MTA3: variants seen among roughly 807,000 people sequenced by gnomAD.
The protein encoded by MTA3 is metastasis-associated protein MTA3.
MTA3 carries 34 observed loss-of-function variants against 83.5 expected under a neutral mutation model. The observed-to-expected ratio is 0.41, with a 90% CI of 0.31 to 0.54. The LOEUF is 0.54. MTA3 is among the 20% of genes least tolerant of loss of function. The pLI, the probability that MTA3 is intolerant of heterozygous loss-of-function variation, is 0.33. For synonymous variants in MTA3, 303 were observed against 252.7 expected (o/e 1.20, Z -1.89); for missense variants, 761 against 726.4 (o/e 1.05, Z -0.55).
intron 16 of MTA3, among the ~76,000 whole-genome samples, chr2:42,737,123 A>T (rs540810498): frequency 6.6e-6 from 1 of 152,014 alleles, no homozygotes; most frequent in Non-Finnish European, 1.5e-5. Flanking sequence ...TTCCCTTAGC[A>T]GCCCTGGCTG....
intron 9 of MTA3, among the ~76,000 whole-genome samples, chr2:42,689,756 A>G (rs1692703389): frequency 6.8e-6 from 1 of 146,516 alleles, no homozygotes; most frequent in Non-Finnish European, 1.5e-5. Flanking sequence ...CTCGTTCCTG[A>G]TACTGATAAT....
rs769701918 is a variant in MTA3 at position 42,579,097 on chromosome 2, T to C, written c.97-10T>C. ...CAGTGCAAATGACTTTTATTTTTCT[T>C]ATCTCTTAGACTGCAAGTGGCAACG... On this transcript the variant is annotated splice_polypyrimidine_tract_variant and intron_variant, in intron 2 of 16. Transcript: ENST00000405094. 6 of 1,577,018 alleles carry C rather than the reference T, an allele frequency of 3.8e-6. No individual in the cohort carries two copies. The highest frequency in any genetic ancestry group is 1.4e-5 in the African/African-American group (1 of 73,696).
At chr2:42,659,456 A>G (rs781081933) in intron 7 of MTA3, 25 of 158,580 alleles carry the variant, frequency 1.6e-4, no homozygotes, top group Non-Finnish European at 2.5e-4. Flanking sequence ...GCCAATTTGA[A>G]TAAATGTTTT....
chr2:42,616,571 TC>T (rs1408850803), intron 4 of MTA3, among the ~76,000 whole-genome samples: 21 of 110,110 alleles, frequency 1.9e-4, no homozygotes, highest in Admixed American at 3.2e-4. Flanking sequence ...TTCTTCTTCT[TC>T]TTTTTTTTTT....
intron 2 of MTA3, 94 bp from the exon 3 acceptor site, chr2:42,579,013 A>G (rs1679334070): frequency 2.5e-6 from 2 of 787,036 alleles, no homozygotes; most frequent in Admixed American, 3.1e-5. Context: ...GTTAATGAGC[A>G]TGATCATATA....
chr2:42,509,479 C>G (rs1277186179), intron 2 of MTA3, among the ~76,000 whole-genome samples: 1 of 152,106 alleles, frequency 6.6e-6, no homozygotes, highest in East Asian at 1.9e-4. Context: ...AGCTCAATAC[C>G]TATTTGTTGG....
At position 42,613,640 on chromosome 2, in the gene MTA3, C is replaced by G. The variant is rs141163765; in HGVS notation, c.317+4056C>G. The G allele has an allele frequency of 2.6e-5, 4 of 152,324 alleles. No homozygotes were observed. In the East Asian group the frequency reaches 7.7e-4, roughly 29 times the overall value. 9.4% of individuals were successfully genotyped at this position (152,324 alleles called of 1,614,324 possible). ...GATGTTTTACTCTCAGGGACACTAT[C>G]AAGTGCCCAGAATTTCCTTGGTGCT... On this transcript the variant is annotated intron_variant, in intron 4 of 16. Coordinates refer to ENST00000405094, the MANE Select transcript of MTA3 (RefSeq NM_001330442.2).
intron 8 of MTA3, among the ~76,000 whole-genome samples, chr2:42,679,095 T>C (rs1177958648): frequency 6.6e-6 from 1 of 152,178 alleles, no homozygotes; most frequent in African/African-American, 2.4e-5. Context: ...CTTGTATTAT[T>C]ATCAGTCTTT....
chr2:42,674,804 G>A (rs546293594), intron 8 of MTA3, among the ~76,000 whole-genome samples: 174 of 151,656 alleles, frequency 1.1e-3, no homozygotes, highest in African/African-American at 3.9e-3. Context: ...TCACCATGTT[G>A]GCCAGGATGG....
chr2:42,515,695 G>T (rs1239702594), intron 2 of MTA3, among the ~76,000 whole-genome samples: 1 of 151,558 alleles, frequency 6.6e-6, no homozygotes, highest in Non-Finnish European at 1.5e-5. Context: ...TAGAGACAGG[G>T]TTTCACCATG....
At chr2:42,554,080 A>G (rs1677264085) in intron 2 of MTA3, among the ~76,000 whole-genome samples, 1 of 151,736 alleles carries the variant, frequency 6.6e-6, no homozygotes, top group Non-Finnish European at 1.5e-5. Context: ...CCAAAAATAC[A>G]AAAATTAGCC....
At chr2:42,668,609 C>G (rs920344258) in intron 8 of MTA3, among the ~76,000 whole-genome samples, 5 of 152,146 alleles carry the variant, frequency 3.3e-5, no homozygotes, top group Non-Finnish European at 5.9e-5. Context: ...CTTTTTCACC[C>G]ATAATCTTTG....
intron 8 of MTA3, among the ~76,000 whole-genome samples, chr2:42,681,135 C>G (rs1472544483): frequency 6.6e-6 from 1 of 152,178 alleles, no homozygotes; most frequent in East Asian, 1.9e-4. Flanking sequence ...GTGTTCTAAT[C>G]TATCTTTTCT....
At chr2:42,588,502 C>T (rs1680596540) in intron 3 of MTA3, among the ~76,000 whole-genome samples, 2 of 152,122 alleles carry the variant, frequency 1.3e-5, no homozygotes, top group Non-Finnish European at 2.9e-5. Context: ...TAGCAGCTGA[C>T]AATTCAATTA....
intron 15 of MTA3, among the ~76,000 whole-genome samples, chr2:42,721,330 C>CTTTTTCT (rs1454123365): frequency 1.0e-3 from 144 of 138,180 alleles, no homozygotes; most frequent in Non-Finnish European, 1.5e-3. Context: ...TTTTCTTTTT[C>CTTTTTCT]TTTTTTTTTT....
intron 16 of MTA3, among the ~76,000 whole-genome samples, chr2:42,748,201 T>TTGTGTGTGTGTG (rs61339061): frequency 1.2e-3 from 161 of 137,706 alleles, no homozygotes; most frequent in Middle Eastern, 3.8e-3. Flanking sequence ...GCTAATGTGT[T>TTGTGTGTGTGTG]TGTGTGTGTG....
At chr2:42,716,785 A>T (rs556154038) in intron 14 of MTA3, among the ~76,000 whole-genome samples, 1 of 152,172 alleles carries the variant, frequency 6.6e-6, no homozygotes, top group Non-Finnish European at 1.5e-5. Context: ...TAGTGTTGCA[A>T]TGAACATATA....
At chr2:42,580,288 T>C (rs896235509) in intron 3 of MTA3, among the ~76,000 whole-genome samples, 15 of 151,730 alleles carry the variant, frequency 9.9e-5, no homozygotes, top group Admixed American at 1.3e-4. Flanking sequence ...GCCACATTTT[T>C]CCCCCCCTTC....
At chr2:42,588,917 A>C (rs1428026929) in intron 3 of MTA3, among the ~76,000 whole-genome samples, 1 of 152,164 alleles carries the variant, frequency 6.6e-6, no homozygotes, top group Non-Finnish European at 1.5e-5. Flanking sequence ...GGCAAGTCTG[A>C]AATCCACAGG....
Sources: allele counts gnomAD v4.1 joint callset (sites outside exome capture counted in the v4.1 genomes callset), GRCh38; gene constraint gnomAD v4.1.1; transcripts MANE v1.5; gene names NCBI Gene and HGNC (gene_info 2026-07-23, HGNC 2026-07-21).